ADGRL4: variants seen among roughly 807,000 people sequenced by gnomAD.
ADGRL4 encodes EGF, latrophilin and seven transmembrane domain containing 1.
In ADGRL4, 90 loss-of-function variants were observed where a neutral mutation model predicts 74.8. The observed-to-expected ratio is 1.20, with a 90% confidence interval of 1.02 to 1.43. The LOEUF (loss-of-function observed/expected upper bound fraction) is 1.43. Among genes scored for constraint, ADGRL4 ranks in the 40% most tolerant of loss-of-function variants. The probability of loss-of-function intolerance (pLI) is 0.00; values close to 1 mark genes in which losing one functional copy is unlikely to be tolerated. For synonymous variants in ADGRL4, 311 were observed against 279.2 expected, an observed-to-expected ratio of 1.11 and a Z score of -1.14; for missense variants, 881 against 814.3, an observed-to-expected ratio of 1.08 and a Z score of -1.00.
chr1:78,918,159 G>T (rs1648919120), intron 10 of ADGRL4, 109 bp from the exon 11 acceptor site: 1 of 797,836 alleles, frequency 1.3e-6, no homozygotes, highest in Non-Finnish European at 2.0e-6. Flanking sequence ...ATACTATAAA[G>T]TATGCCACTT....
intron 12 of ADGRL4, among the ~76,000 whole-genome samples, chr1:78,906,354 T>A (rs144624494): frequency 9.2e-5 from 14 of 151,914 alleles, no homozygotes; most frequent in Non-Finnish European, 1.5e-4. Context: ...TTAATAGTGG[T>A]TTTTTTTAGT....
chr1:78,965,413 C>T (rs1428930270), intron 2 of ADGRL4, among the ~76,000 whole-genome samples: 1 of 152,096 alleles, frequency 6.6e-6, no homozygotes, highest in Non-Finnish European at 1.5e-5. Flanking sequence ...GCACATAGAA[C>T]AACACGCTAA....
chr1:78,962,527 C>T (rs918730715), intron 2 of ADGRL4, among the ~76,000 whole-genome samples: 2 of 152,114 alleles, frequency 1.3e-5, no homozygotes, highest in African/African-American at 4.8e-5. Context: ...GTTGAAGACA[C>T]ATTTCCTTGC....
chr1:78,957,878 G>A (rs1238771024), intron 2 of ADGRL4, among the ~76,000 whole-genome samples: 2 of 152,164 alleles, frequency 1.3e-5, no homozygotes, highest in Non-Finnish European at 2.9e-5. Context: ...TGGCTCCAAA[G>A]CTTCAAAGCA....
intron 2 of ADGRL4, among the ~76,000 whole-genome samples, chr1:78,962,292 C>T (rs999515607): frequency 2.0e-5 from 3 of 152,148 alleles, no homozygotes; most frequent in Non-Finnish European, 4.4e-5. Context: ...CAACTACTGC[C>T]ACTGCGGACA....
chr1:78,984,875 G>A (rs1434289843), intron 2 of ADGRL4, among the ~76,000 whole-genome samples: 4 of 151,582 alleles, frequency 2.6e-5, no homozygotes, highest in East Asian at 1.9e-4. Flanking sequence ...GAATGTCAAC[G>A]CTATAACCCT....
At chr1:78,991,709 A>G (rs558400162) in intron 2 of ADGRL4, among the ~76,000 whole-genome samples, 1 of 152,126 alleles carries the variant, frequency 6.6e-6, no homozygotes, top group African/African-American at 2.4e-5. Flanking sequence ...CACCTTCAAT[A>G]TAGTCAACCA....
chr1:78,898,599 A>T (rs182127179), intron 12 of ADGRL4, among the ~76,000 whole-genome samples: 4 of 152,168 alleles, frequency 2.6e-5, no homozygotes, highest in Admixed American at 2.6e-4. Flanking sequence ...TTAGATGGCA[A>T]GTATAAGAAC....
intron 12 of ADGRL4, among the ~76,000 whole-genome samples, chr1:78,896,119 C>A (rs919122942): frequency 2.0e-5 from 3 of 152,032 alleles, no homozygotes; most frequent in Non-Finnish European, 4.4e-5. Flanking sequence ...TCATGCCACT[C>A]TTCCCTTTGT....
chr1:78,962,586 G>A (rs138859650), intron 2 of ADGRL4, among the ~76,000 whole-genome samples: 201 of 152,124 alleles, frequency 1.3e-3, no homozygotes, highest in East Asian at 0.012. Context: ...TATTGATGAT[G>A]TTAGGATAAC....
At chr1:78,953,260 T>C (rs1649766991) in intron 2 of ADGRL4, among the ~76,000 whole-genome samples, 1 of 152,122 alleles carries the variant, frequency 6.6e-6, no homozygotes, top group Non-Finnish European at 1.5e-5. Context: ...TAAAGATGAG[T>C]AATGCTCTTA....
Position 78,938,085 on chromosome 1 carries a change from G to C in ADGRL4, c.576+15C>G, listed in dbSNP as rs765647586. On this transcript the variant is annotated intron_variant, in intron 5 of 14. Coordinates refer to ENST00000370742, the MANE Select transcript of ADGRL4 (RefSeq NM_022159.4). The stretch of plus-strand genomic sequence containing the variant: ...CAAAGCTCAATTATATTGAGTTAAA[G>C]CTGAACATACTTACAGTAAGAGTTG... The C allele has an allele frequency of 9.9e-6, 16 of 1,611,346 alleles. No homozygotes were observed. Among genetic ancestry groups the C allele is most frequent in the Non-Finnish European group, 1.4e-5 (16 of 1,178,994 alleles).
intron 12 of ADGRL4, among the ~76,000 whole-genome samples, chr1:78,905,924 A>C (rs1334662066): frequency 1.3e-5 from 2 of 152,038 alleles, no homozygotes; most frequent in African/African-American, 4.8e-5. Flanking sequence ...TTAGAAACAG[A>C]ATATTACATA....
intron 2 of ADGRL4, among the ~76,000 whole-genome samples, chr1:78,972,107 G>C (rs1045675674): frequency 6.6e-6 from 1 of 152,156 alleles, no homozygotes; most frequent in Non-Finnish European, 1.5e-5. Context: ...AGCACATGTA[G>C]ATGCCATACA....
At chr1:78,917,433 TA>T (rs987460023) in intron 12 of ADGRL4, among the ~76,000 whole-genome samples, 200 bp downstream of exon 12, 7 of 150,758 alleles carry the variant, frequency 4.6e-5, no homozygotes, top group East Asian at 1.9e-4. Flanking sequence ...AAGTATATAT[TA>T]AAAAATGTAT....
At chr1:78,894,709 T>C (rs2100649663) in intron 12 of ADGRL4, among the ~76,000 whole-genome samples, 1 of 151,954 alleles carries the variant, frequency 6.6e-6, no homozygotes, top group Non-Finnish European at 1.5e-5. Context: ...GTCTAAATAA[T>C]ATATGCCTAC....
chr1:78,908,723 T>G (rs1478905458), intron 12 of ADGRL4, among the ~76,000 whole-genome samples: 2 of 152,006 alleles, frequency 1.3e-5, no homozygotes, highest in Non-Finnish European at 2.9e-5. Context: ...AAGCTACATT[T>G]ATAAGGAAAT....
chr1:79,006,720 G>A lies in ADGRL4; in HGVS notation c.-66C>T. The A allele has an allele frequency of 7.1e-7, 1 of 1,399,990 alleles. No homozygotes were observed. Among genetic ancestry groups the A allele is most frequent in the Non-Finnish European group, 9.3e-7 (1 of 1,077,042 alleles). 86.7% of individuals were successfully genotyped at this position (1,399,990 alleles called of 1,614,324 possible). A position where few individuals can be genotyped will look rare whatever the true frequency, so the allele number is the denominator to read the frequency against. On this transcript the variant is annotated 5_prime_UTR_variant, in exon 1 of 15. Coordinates refer to ENST00000370742, the MANE Select transcript of ADGRL4 (RefSeq NM_022159.4). Reference sequence around the variant, plus strand: ...GGAGTGAGTGCGGCTGTGGACCCGGGACCGGGCGCCGCTGGGCGGGCGCGG... The same window carrying A: ...GGAGTGAGTGCGGCTGTGGACCCGGAACCGGGCGCCGCTGGGCGGGCGCGG...
intron 12 of ADGRL4, among the ~76,000 whole-genome samples, chr1:78,911,653 C>T (rs1385177529): frequency 1.4e-4 from 21 of 151,504 alleles, no homozygotes; most frequent in Admixed American, 1.3e-3. Flanking sequence ...TAGTTGGCTA[C>T]ACATACATTC....
Sources: allele counts gnomAD v4.1 joint callset (sites outside exome capture counted in the v4.1 genomes callset), GRCh38; gene constraint gnomAD v4.1.1; transcripts MANE v1.5; gene names NCBI Gene and HGNC (gene_info 2026-07-23, HGNC 2026-07-21).